PLXNA4: variants seen among roughly 807,000 people sequenced by gnomAD.
PLXNA4 encodes the protein plexin A4.
A neutral mutation model predicts 191.8 loss-of-function variants in PLXNA4; 44 were observed. The observed-to-expected ratio is 0.23, with a 90% CI of 0.18 to 0.29. The LOEUF is 0.29. Ranked by LOEUF, PLXNA4 falls within the 10% of genes least tolerant of loss-of-function variation. The pLI is 1.00. For synonymous variants in PLXNA4, 1,082 were observed against 1,009.5 expected (o/e 1.07, Z -1.36); for missense variants, 1,800 against 2,488.8 (o/e 0.72, Z 5.89).
At chr7:132,563,480 GCTCCTCCTCCTCCTTCTCCTC>G (rs1326779520) in intron 1 of PLXNA4, among the ~76,000 whole-genome samples, 13 of 19,866 alleles carry the variant, frequency 6.5e-4, no homozygotes, top group African/African-American at 2.4e-3. Context: ...TCCTTCTGCT[GCTCCTCCTCCTCCTTCTCCTC>G]CTCCTCCTCC....
intron 1 of PLXNA4, among the ~76,000 whole-genome samples, chr7:132,571,829 CTCAT>C (rs1801993885): frequency 6.6e-6 from 1 of 152,114 alleles, no homozygotes; most frequent in Admixed American, 6.5e-5. Flanking sequence ...GGGAACTTCA[CTCAT>C]TCATTCATTT....
chr7:132,360,293 G>A (rs1585034362), intron 3 of PLXNA4, among the ~76,000 whole-genome samples: 1 of 152,184 alleles, frequency 6.6e-6, no homozygotes, highest in African/African-American at 2.4e-5. Flanking sequence ...TCATCCACAT[G>A]AAGCTGCCAT....
chr7:132,259,318 C>G (rs1262606733), intron 4 of PLXNA4, among the ~76,000 whole-genome samples: 1 of 151,488 alleles, frequency 6.6e-6, no homozygotes, highest in South Asian at 2.1e-4. Flanking sequence ...CACCTGTAAT[C>G]CCAGCTACTT....
At chr7:132,187,373 C>T (rs1796914160) in intron 15 of PLXNA4, 98 bp downstream of exon 15, 3 of 1,517,858 alleles carry the variant, frequency 2.0e-6, no homozygotes. Flanking sequence ...TGGTTACACC[C>T]TCCCAACTCT....
At chr7:132,522,275 A>G (rs1799219520) in intron 1 of PLXNA4, among the ~76,000 whole-genome samples, 1 of 152,208 alleles carries the variant, frequency 6.6e-6, no homozygotes, top group Non-Finnish European at 1.5e-5. Flanking sequence ...CATTGGTGGA[A>G]TGCTTTGCCT....
intron 3 of PLXNA4, among the ~76,000 whole-genome samples, chr7:132,378,898 C>CTGGA (rs1310889117): frequency 2.1e-5 from 3 of 140,258 alleles, no homozygotes; most frequent in Non-Finnish European, 3.0e-5. Context: ...GTTGCCCAGG[C>CTGGA]TGGAGTGCAA....
chr7:132,420,631 G>T (rs534014811), intron 3 of PLXNA4, among the ~76,000 whole-genome samples: 74 of 152,310 alleles, frequency 4.9e-4, no homozygotes, highest in African/African-American at 1.7e-3. Context: ...GAGTTAAGTG[G>T]TGTTAAGAAC....
chr7:132,208,017 T>G lies in PLXNA4; in HGVS notation c.2298+2926A>C, dbSNP rs533705916. Among the ~76,000 whole-genome samples, 3 of 152,348 alleles carry G rather than the reference T, an allele frequency of 2.0e-5. No homozygotes were observed. The East Asian group carries it at 5.8e-4, about 29-fold the overall frequency. On this transcript the variant is annotated intron_variant, in intron 10 of 31. Transcript: ENST00000321063. ...CTTGGAGACCTCATCTGTAACAGGA[T>G]TAAGTAGATACCCTCTCAGGTCTAT...
chr7:132,535,941 G>A (rs1383209697), intron 1 of PLXNA4, among the ~76,000 whole-genome samples: 1 of 152,172 alleles, frequency 6.6e-6, no homozygotes, highest in Non-Finnish European at 1.5e-5. Flanking sequence ...TTTACAGAGA[G>A]TAGATCATTT....
intron 4 of PLXNA4, among the ~76,000 whole-genome samples, chr7:132,297,023 TG>T (rs1251237034): frequency 2.6e-5 from 4 of 152,010 alleles, no homozygotes; most frequent in African/African-American, 9.7e-5. Context: ...AGAGCTCCTG[TG>T]ACTGTTAAGG....
intron 3 of PLXNA4, among the ~76,000 whole-genome samples, chr7:132,369,638 G>T (rs970134349): frequency 1.5e-4 from 23 of 152,030 alleles, no homozygotes; most frequent in Admixed American, 4.6e-4. Flanking sequence ...CGAAAAGCAG[G>T]CACTTCATGT....
At chr7:132,213,688 A>G (rs79631345) in intron 9 of PLXNA4, among the ~76,000 whole-genome samples, 1 of 152,254 alleles carries the variant, frequency 6.6e-6, no homozygotes, top group East Asian at 1.9e-4. Context: ...AGGAGAGCAG[A>G]TCCTTGAGAA....
At chr7:132,479,091 G>T (rs562744019) in intron 3 of PLXNA4, among the ~76,000 whole-genome samples, 2 of 152,164 alleles carry the variant, frequency 1.3e-5, no homozygotes, top group East Asian at 3.9e-4. Context: ...AACGTAGCAA[G>T]ACCCCATCTC....
At chr7:132,561,330 CTCCTCTTCCTCCTCCTCCTCT>C (rs1801035771) in intron 1 of PLXNA4, among the ~76,000 whole-genome samples, 1 of 150,548 alleles carries the variant, frequency 6.6e-6, no homozygotes, top group African/African-American at 2.4e-5. Flanking sequence ...CCTCCTCTTC[CTCCTCTTCCTCCTCCTCCTCT>C]TCCTCTCCCT....
chr7:132,326,716 C>A (rs1728674526), intron 3 of PLXNA4, among the ~76,000 whole-genome samples: 1 of 152,150 alleles, frequency 6.6e-6, no homozygotes, highest in Admixed American at 6.5e-5. Context: ...ATCTCTGTGC[C>A]CTCACCCAGT....
In PLXNA4 at chr7:132,403,456, C is replaced by T. The variant is rs73726038; in HGVS notation, c.1371+85836G>A. ...AGGTAACGGGAGGGGGCCCTAATTG[C>T]TGCTAAAGATCACGGGGTAACCCTG... On this transcript the variant is annotated intron_variant, in intron 3 of 31. Transcript: ENST00000321063. Among the ~76,000 whole-genome samples the T allele has an allele frequency of 9.8e-3, 1,491 of 152,316 alleles. 22 individuals carry two copies. Among genetic ancestry groups the T allele is most frequent in the African/African-American group, 0.034 (1,419 of 41,562 alleles).
intron 3 of PLXNA4, among the ~76,000 whole-genome samples, chr7:132,458,850 C>G (rs1796399597): frequency 6.6e-6 from 1 of 152,180 alleles, no homozygotes; most frequent in Non-Finnish European, 1.5e-5. Flanking sequence ...AACAGTCCCT[C>G]TGCCAAGCCC....
intron 3 of PLXNA4, among the ~76,000 whole-genome samples, chr7:132,311,088 A>C (rs1801712734): frequency 6.6e-6 from 1 of 151,966 alleles, no homozygotes; most frequent in South Asian, 2.1e-4. Context: ...AGGGGATTCC[A>C]GATTTGCTCA....
chr7:132,249,459 G>C (rs1799170587), intron 4 of PLXNA4, among the ~76,000 whole-genome samples: 1 of 152,224 alleles, frequency 6.6e-6, no homozygotes, highest in Admixed American at 6.5e-5. Context: ...CAGTAGCTGG[G>C]AAGCTGGGCA....
Sources: allele counts gnomAD v4.1 joint callset (sites outside exome capture counted in the v4.1 genomes callset), GRCh38; gene constraint gnomAD v4.1.1; transcripts MANE v1.5; gene names NCBI Gene and HGNC (gene_info 2026-07-23, HGNC 2026-07-21).